MAP3K1: variants seen among roughly 807,000 people sequenced by gnomAD.
MAP3K1 encodes the protein MAP/ERK kinase kinase 1.
A neutral mutation model predicts 144.2 loss-of-function variants in MAP3K1; 36 were observed. The observed-to-expected ratio is 0.25, with a 90% CI of 0.19 to 0.33. The LOEUF (loss-of-function observed/expected upper bound fraction) is 0.33. Among genes scored for constraint, MAP3K1 ranks in the 10% least tolerant of loss-of-function variants. MAP3K1 has a pLI of 1.00. For synonymous variants in MAP3K1, 718 were observed against 688.7 expected, an observed-to-expected ratio of 1.04 and a Z score of -0.67; for missense variants, 1,650 against 1,881.9, an observed-to-expected ratio of 0.88 and a Z score of 2.28.
At chr5:56,830,323 G>A (rs1410533969) in intron 1 of MAP3K1, among the ~76,000 whole-genome samples, 1 of 152,032 alleles carries the variant, frequency 6.6e-6, no homozygotes, top group East Asian at 1.9e-4. Context: ...GATACTGTTG[G>A]CCATAACCTA....
At chr5:56,837,841 G>A (rs138290210) in intron 1 of MAP3K1, among the ~76,000 whole-genome samples, 1 of 152,296 alleles carries the variant, frequency 6.6e-6, no homozygotes, top group East Asian at 1.9e-4. Context: ...TCTTTGCTGA[G>A]TGAGGACTGA....
At chr5:56,839,607 G>A (rs933945930) in intron 1 of MAP3K1, among the ~76,000 whole-genome samples, 16 of 152,104 alleles carry the variant, frequency 1.1e-4, no homozygotes, top group Non-Finnish European at 4.4e-5. Flanking sequence ...AAGTTGATGA[G>A]GATAAAAATC....
intron 1 of MAP3K1, among the ~76,000 whole-genome samples, chr5:56,824,644 G>A (rs775292627): frequency 1.9e-4 from 29 of 152,328 alleles, no homozygotes; most frequent in Non-Finnish European, 3.1e-4. Context: ...TTGTAATATA[G>A]ATTAAGGAAA....
chr5:56,857,493 T>C (rs1016047826), intron 2 of MAP3K1, among the ~76,000 whole-genome samples: 1 of 152,184 alleles, frequency 6.6e-6, no homozygotes, highest in African/African-American at 2.4e-5. Context: ...ATTTTGTTCT[T>C]TTAAAACAGA....
chr5:56,831,626 A>T (rs1258960152), intron 1 of MAP3K1, among the ~76,000 whole-genome samples: 1 of 152,216 alleles, frequency 6.6e-6, no homozygotes, highest in African/African-American at 2.4e-5. Flanking sequence ...CTTTTAGAAC[A>T]TTAAACATTA....
At chr5:56,857,636 A>G (rs1747380874) in intron 2 of MAP3K1, among the ~76,000 whole-genome samples, 1 of 152,194 alleles carries the variant, frequency 6.6e-6, no homozygotes, top group African/African-American at 2.4e-5. Flanking sequence ...AAATAAAAGT[A>G]AAAATTTAGT....
rs773359214 is a variant in MAP3K1, at chr5:56,887,386, T to A, written c.4123T>A (p.Leu1375Met). Reference sequence around the variant, plus strand: ...GCTGTGTTTGTTGACAGGTGCCAATTTGCTAATTGACAGCACTGGTCAGAG... The same window carrying A: ...GCTGTGTTTGTTGACAGGTGCCAATATGCTAATTGACAGCACTGGTCAGAG... ...IIHRDVKGAN[L>M]LIDSTGQRLR... Residue 1375 changes from leucine (L) to methionine (M), a missense_variant, in exon 18 of 20, where the codon TTG becomes ATG. Coordinates refer to ENST00000399503, the MANE Select transcript of MAP3K1 (RefSeq NM_005921.2). 3 of 1,614,076 alleles carry A rather than the reference T, an allele frequency of 1.9e-6. No individual in the cohort carries two copies. Among genetic ancestry groups the A allele is most frequent in the Non-Finnish European group, 2.5e-6 (3 of 1,180,026 alleles).
chr5:56,830,048 T>A (rs1006165770), intron 1 of MAP3K1, among the ~76,000 whole-genome samples: 2 of 152,244 alleles, frequency 1.3e-5, no homozygotes, highest in African/African-American at 4.8e-5. Context: ...TTGCTTTTTC[T>A]TCTCCCTCTT....
In MAP3K1 at chr5:56,894,348, A is replaced by G. The variant is rs956807335; in HGVS notation, c.*668A>G. On this transcript the variant is annotated 3_prime_UTR_variant, in exon 20 of 20. Transcript: ENST00000399503. ...CATTCATTTTTGTTTATTCAGGGAA[A>G]GCTGATCTTTTTTTCAAACCAGAAA... 8.6e-6 allele frequency: 2 copies of G among 232,362 alleles called. No homozygotes were observed. Among genetic ancestry groups the G allele is most frequent in the Non-Finnish European group, 1.7e-5 (2 of 117,680 alleles). The allele number at this position is 232,362 out of a possible 1,614,324, so 14.4% of individuals were successfully genotyped here.
At position 56,815,924 on chromosome 5, in the gene MAP3K1, G is replaced by C. The variant is rs28710284; in HGVS notation, c.351G>C (p.Ala117=). ...CGGTGCCGCCGCCCCACGGAGCCGC[G>C]AGCCGCGGCGGCGCCCACCTTACCG... is the stretch of plus-strand genomic sequence containing the variant. ...PVAVPPPHGA[A]SRGGAHLTES... The change falls in exon 1 of 20, where the codon GCG becomes GCC. Residue 117 remains alanine (A), a synonymous_variant. Transcript: ENST00000399503. The C allele has an allele frequency of 0.8, 1,017,267 of 1,266,934 alleles. 410,877 individuals are homozygous for C. Among genetic ancestry groups the C allele is most frequent in the Non-Finnish European group, 0.82 (831,760 of 1,008,834 alleles). 78.5% of individuals were successfully genotyped at this position (1,266,934 alleles called of 1,614,324 possible).
intron 1 of MAP3K1, among the ~76,000 whole-genome samples, chr5:56,854,888 C>A (rs1282467882): frequency 6.6e-6 from 1 of 152,118 alleles, no homozygotes; most frequent in Non-Finnish European, 1.5e-5. Context: ...TTTTTTGGAA[C>A]TAGCCTGGGA....
chr5:56,855,952 G>A (rs1189594551), intron 1 of MAP3K1, among the ~76,000 whole-genome samples: 1 of 152,166 alleles, frequency 6.6e-6, no homozygotes, highest in Non-Finnish European at 1.5e-5. Context: ...GCTTTGTAGA[G>A]TTAATTCTCA....
chr5:56,837,477 A>G (rs796701825), intron 1 of MAP3K1, among the ~76,000 whole-genome samples: 9 of 152,240 alleles, frequency 5.9e-5, no homozygotes, highest in African/African-American at 2.2e-4. Flanking sequence ...CCCAGGACTA[A>G]CAGTGGATAC....
At chr5:56,884,560 A>T in intron 15 of MAP3K1, 104 bp from the exon 16 acceptor site, 1 of 1,044,100 alleles carries the variant, frequency 9.6e-7, no homozygotes, top group Admixed American at 1.9e-5. Flanking sequence ...CATAAGCATA[A>T]ATGCCATCTG....
intron 1 of MAP3K1, among the ~76,000 whole-genome samples, chr5:56,832,983 T>A (rs977923468): frequency 6.6e-6 from 1 of 152,228 alleles, no homozygotes; most frequent in Non-Finnish European, 1.5e-5. Flanking sequence ...GTGATTCTCC[T>A]GCCTCAGCCT....
intron 1 of MAP3K1, among the ~76,000 whole-genome samples, chr5:56,823,048 G>A (rs252905): frequency 0.5 from 76,562 of 152,046 alleles, 21,497 homozygotes; most frequent in Non-Finnish European, 0.65. Flanking sequence ...TCTGTATTAG[G>A]TGGCCAGAGT....
At chr5:56,842,710 A>G (rs1017400183) in intron 1 of MAP3K1, among the ~76,000 whole-genome samples, 2 of 152,156 alleles carry the variant, frequency 1.3e-5, no homozygotes, top group Non-Finnish European at 2.9e-5. Flanking sequence ...TATTATCCCC[A>G]TTTATAGGAG....
chr5:56,893,379 T>C, intron 19 of MAP3K1, 152 bp from the exon 20 acceptor site: 1 of 806,642 alleles, frequency 1.2e-6, no homozygotes. Context: ...AATTTTTTCA[T>C]AGACTTTTTG....
chr5:56,893,679 A>ATACC lies in MAP3K1; in HGVS notation c.4538_4539insTACC (p.Ter1513TyrfsTer11). The stretch of plus-strand genomic sequence containing the variant: ...CATCCAGTCTTTCGTACTACATGGT[A>ATACC]GCCAATTATGCAGATCAACTACAGT... On this transcript the variant is annotated frameshift_variant and stop_lost, in exon 20 of 20. Coordinates refer to ENST00000399503, the MANE Select transcript of MAP3K1 (RefSeq NM_005921.2). LOFTEE classifies it high-confidence loss of function. 1 of 1,613,698 alleles carries ATACC rather than the reference A, an allele frequency of 6.2e-7. No homozygotes were observed. Among genetic ancestry groups the ATACC allele is most frequent in the African/African-American group, 1.3e-5 (1 of 74,926 alleles).
Sources: gnomAD v4.1 joint callset for allele counts (sites outside exome capture counted in the v4.1 genomes callset) on GRCh38, gnomAD v4.1.1 for gene constraint, MANE v1.5 for transcripts, NCBI Gene and HGNC (gene_info 2026-07-23, HGNC 2026-07-21) for gene names.